The following DIS3L2 variants were observed in gnomAD, a reference collection of about 807,000 sequenced individuals.
The protein encoded by DIS3L2 is DIS3 like 3'-5' exoribonuclease 2, also known as DIS3-like exonuclease 2.
DIS3L2 carries 34 observed loss-of-function variants against 97.5 expected under a neutral mutation model. The observed-to-expected ratio is 0.35, with a 90% CI of 0.27 to 0.46. The LOEUF is 0.46. DIS3L2 is among the 20% of genes least tolerant of loss of function. The pLI, the probability that DIS3L2 is intolerant of heterozygous loss-of-function variation, is 1.00. For synonymous variants in DIS3L2, 435 were observed against 445.2 expected (o/e 0.98, Z 0.29); for missense variants, 1,038 against 1,146.0 (o/e 0.91, Z 1.36).
At chr2:232,278,100 T>C (rs1694190071) in intron 13 of DIS3L2, among the ~76,000 whole-genome samples, 1 of 152,134 alleles carries the variant, frequency 6.6e-6, no homozygotes, top group Admixed American at 6.5e-5. Flanking sequence ...TCTCACTAAA[T>C]TGAGAGTTTG....
At chr2:232,264,719 G>T (rs1446075770) in intron 13 of DIS3L2, among the ~76,000 whole-genome samples, 1 of 152,238 alleles carries the variant, frequency 6.6e-6, no homozygotes. Context: ...AAAGCCTTCT[G>T]ATTGAAGTTC....
At chr2:232,143,908 A>G (rs913309494) in intron 8 of DIS3L2, among the ~76,000 whole-genome samples, 9 of 152,084 alleles carry the variant, frequency 5.9e-5, no homozygotes, top group African/African-American at 2.2e-4. Flanking sequence ...AAATTTACCC[A>G]TATTTATAAC....
chr2:232,335,971 C>G, intron 20 of DIS3L2, 97 bp downstream of exon 20: 1 of 1,537,692 alleles, frequency 6.5e-7, no homozygotes, highest in South Asian at 1.2e-5. Flanking sequence ...CCCCTGGGCT[C>G]CCCCAGCACT....
chr2:232,314,446 AG>A (rs1249125689), intron 14 of DIS3L2, among the ~76,000 whole-genome samples: 1 of 151,614 alleles, frequency 6.6e-6, no homozygotes, highest in Non-Finnish European at 1.5e-5. Flanking sequence ...CGGAGGCCTC[AG>A]GGCCCTGGGG....
intron 9 of DIS3L2, among the ~76,000 whole-genome samples, chr2:232,166,167 G>A (rs992212723): frequency 2.0e-5 from 3 of 152,014 alleles, no homozygotes; most frequent in African/African-American, 4.8e-5. Context: ...GCTGGGGCGG[G>A]AGGATTGTTT....
chr2:231,972,174 A>G (rs894699758), intron 1 of DIS3L2, among the ~76,000 whole-genome samples: 51 of 151,880 alleles, frequency 3.4e-4, no homozygotes, highest in Non-Finnish European at 2.4e-4. Context: ...ACAGAGCGAG[A>G]CTCGGTCTCA....
chr2:231,995,536 A>C (rs1394916262), intron 1 of DIS3L2, among the ~76,000 whole-genome samples: 1 of 152,056 alleles, frequency 6.6e-6, no homozygotes, highest in Non-Finnish European at 1.5e-5. Flanking sequence ...CAAGGGGCTC[A>C]CTTCAACCTT....
chr2:232,329,785 T>TCCCCGGGGACC, intron 14 of DIS3L2, 28 bp from the exon 15 acceptor site: 1 of 967,144 alleles, frequency 1.0e-6, no homozygotes, highest in Non-Finnish European at 1.5e-6. Context: ...ACCCCAGCGG[T>TCCCCGGGGACC]CCCTCCCATC....
intron 1 of DIS3L2, among the ~76,000 whole-genome samples, chr2:231,986,222 C>T (rs1693410007): frequency 6.6e-6 from 1 of 152,192 alleles, no homozygotes; most frequent in Non-Finnish European, 1.5e-5. Flanking sequence ...CTTTCTTCCT[C>T]AGCTTGCACA....
intron 2 of DIS3L2, among the ~76,000 whole-genome samples, 194 bp from the exon 3 acceptor site, chr2:232,015,320 G>C (rs1029480601): frequency 6.6e-6 from 1 of 152,058 alleles, no homozygotes; most frequent in Non-Finnish European, 1.5e-5. Flanking sequence ...TAAAACTCAA[G>C]TCTCATCTGT....
intron 5 of DIS3L2, among the ~76,000 whole-genome samples, chr2:232,057,759 T>C (rs1260995782): frequency 6.6e-6 from 1 of 152,044 alleles, no homozygotes. Flanking sequence ...AGATAATAAA[T>C]GTGTCTTGTT....
At chr2:232,234,890 G>T (rs1692890499) in intron 10 of DIS3L2, among the ~76,000 whole-genome samples, 1 of 152,232 alleles carries the variant, frequency 6.6e-6, no homozygotes, top group African/African-American at 2.4e-5. Flanking sequence ...TCTTCAGAAA[G>T]AGAGCAGGTG....
chr2:232,337,163 T>C lies in DIS3L2; in HGVS notation c.*533T>C. 1.0e-6 allele frequency: 1 copy of C among 998,174 alleles called. No individual in the cohort carries two copies. The highest frequency in any genetic ancestry group is 1.2e-6 in the Non-Finnish European group (1 of 839,386). 61.8% of individuals were successfully genotyped at this position (998,174 alleles called of 1,614,324 possible). ...GATGATTGATACTGGAGTCTCATTC[T>C]GCCTGATTAAAAATGGAATTAGTAT... is the stretch of plus-strand genomic sequence containing the variant. On this transcript the variant is annotated 3_prime_UTR_variant, in exon 21 of 21. Coordinates refer to ENST00000325385, the MANE Select transcript of DIS3L2 (RefSeq NM_152383.5).
chr2:232,004,747 A>C (rs1403988004), intron 1 of DIS3L2, among the ~76,000 whole-genome samples: 1 of 151,806 alleles, frequency 6.6e-6, no homozygotes, highest in African/African-American at 2.4e-5. Context: ...ACACCCAGCT[A>C]ATTTTTGTGT....
chr2:232,192,693 G>C (rs1036023816), intron 9 of DIS3L2, among the ~76,000 whole-genome samples: 3 of 152,234 alleles, frequency 2.0e-5, no homozygotes, highest in African/African-American at 7.2e-5. Flanking sequence ...GTAATGTCCT[G>C]TCGTAGCTTT....
intron 1 of DIS3L2, among the ~76,000 whole-genome samples, chr2:231,975,300 T>C (rs1693050370): frequency 6.6e-6 from 1 of 152,056 alleles, no homozygotes; most frequent in South Asian, 2.1e-4. Context: ...TGGAACAGGA[T>C]TCTATAATTT....
chr2:232,163,975 T>C (rs1320872808), intron 9 of DIS3L2, among the ~76,000 whole-genome samples: 1 of 152,254 alleles, frequency 6.6e-6, no homozygotes, highest in Non-Finnish European at 1.5e-5. Context: ...CTATGTTGCT[T>C]ATGGCTGTTT....
At chr2:232,096,559 T>G (rs921943691) in intron 6 of DIS3L2, among the ~76,000 whole-genome samples, 3 of 152,192 alleles carry the variant, frequency 2.0e-5, no homozygotes, top group Non-Finnish European at 4.4e-5. Flanking sequence ...ACTCGTAGGT[T>G]TGTCCTTTTG....
intron 13 of DIS3L2, among the ~76,000 whole-genome samples, chr2:232,279,460 G>A (rs1253785899): frequency 6.6e-6 from 1 of 152,032 alleles, no homozygotes; most frequent in Non-Finnish European, 1.5e-5. Flanking sequence ...ATTTTTAATT[G>A]GGTTGTTTGG....
Sources: gnomAD v4.1 joint callset for allele counts (sites outside exome capture counted in the v4.1 genomes callset) on GRCh38, gnomAD v4.1.1 for gene constraint, MANE v1.5 for transcripts, NCBI Gene and HGNC (gene_info 2026-07-23, HGNC 2026-07-21) for gene names.